Variants in DPYD observed in about 807,000 individuals in gnomAD.
DPYD encodes the protein dihydropyrimidine dehydrogenase [NADP(+)].
DPYD carries 109 observed loss-of-function variants against 116.2 expected under a neutral mutation model. The observed-to-expected ratio is 0.94, with a 90% confidence interval of 0.80 to 1.10. DPYD has a LOEUF of 1.10. Among genes scored for constraint, DPYD ranks in the 50% least tolerant of loss-of-function variants. The pLI, the probability that DPYD is intolerant of heterozygous loss-of-function variation, is 0.00. For synonymous variants in DPYD, 440 were observed against 432.0 expected, an observed-to-expected ratio of 1.02 and a Z score of -0.23; for missense variants, 1,302 against 1,254.5, an observed-to-expected ratio of 1.04 and a Z score of -0.57.
intron 2 of DPYD, among the ~76,000 whole-genome samples, chr1:97,875,924 T>C (rs1025907921): frequency 2.0e-5 from 3 of 152,050 alleles, no homozygotes; most frequent in African/African-American, 7.2e-5. Flanking sequence ...GTTTTTAAAA[T>C]GTATGTATGC....
intron 20 of DPYD, among the ~76,000 whole-genome samples, chr1:97,169,973 A>C (rs1656604344): frequency 1.3e-5 from 2 of 152,322 alleles, no homozygotes. Context: ...TAAGGAATAG[A>C]TAAATATTTA....
intron 16 of DPYD, among the ~76,000 whole-genome samples, chr1:97,323,291 T>C (rs906194304): frequency 6.8e-6 from 1 of 147,938 alleles, no homozygotes; most frequent in Admixed American, 6.8e-5. Context: ...TATATATACA[T>C]ATGTGTATAT....
chr1:97,807,501 T>A (rs1668129888), intron 3 of DPYD, among the ~76,000 whole-genome samples: 1 of 152,246 alleles, frequency 6.6e-6, no homozygotes, highest in South Asian at 2.1e-4. Flanking sequence ...TTTCTTATTG[T>A]TGGATTTTAG....
intron 3 of DPYD, among the ~76,000 whole-genome samples, chr1:97,822,147 T>C (rs1315169391): frequency 1.3e-5 from 2 of 151,272 alleles, no homozygotes; most frequent in African/African-American, 2.4e-5. Context: ...CCAGATGTAA[T>C]AGCCACATTT....
At chr1:97,251,570 G>A (rs530095965) in intron 18 of DPYD, among the ~76,000 whole-genome samples, 1 of 152,090 alleles carries the variant, frequency 6.6e-6, no homozygotes, top group East Asian at 1.9e-4. Context: ...TCTTGTTAAT[G>A]TTCGTAATCT....
intron 14 of DPYD, among the ~76,000 whole-genome samples, chr1:97,400,996 T>G (rs979152615): frequency 6.6e-6 from 1 of 152,114 alleles, no homozygotes; most frequent in African/African-American, 2.4e-5. Context: ...GTGTTATGAA[T>G]TTTGGCTATT....
At chr1:97,838,547 T>G (rs1571444950) in intron 2 of DPYD, among the ~76,000 whole-genome samples, 1 of 152,140 alleles carries the variant, frequency 6.6e-6, no homozygotes. Flanking sequence ...TCATGTAACT[T>G]AAAAATAAAA....
chr1:97,405,797 G>A (rs576680395), intron 14 of DPYD, among the ~76,000 whole-genome samples: 8 of 152,234 alleles, frequency 5.3e-5, no homozygotes, highest in South Asian at 2.1e-4. Context: ...GATTACAGGC[G>A]TGAGCCACTG....
intron 3 of DPYD, among the ~76,000 whole-genome samples, chr1:97,795,431 A>G (rs1457702486): frequency 6.6e-6 from 1 of 152,062 alleles, no homozygotes; most frequent in East Asian, 1.9e-4. Flanking sequence ...AACATTTAGT[A>G]ACTGATACTA....
At chr1:97,658,179 TTA>T (rs1659048903) in intron 8 of DPYD, among the ~76,000 whole-genome samples, 1 of 152,190 alleles carries the variant, frequency 6.6e-6, no homozygotes, top group African/African-American at 2.4e-5. Flanking sequence ...TAAATTAGTT[TTA>T]TGTTTTAGTT....
chr1:97,174,756 TA>T (rs1220511928), intron 20 of DPYD, among the ~76,000 whole-genome samples: 1 of 152,134 alleles, frequency 6.6e-6, no homozygotes, highest in African/African-American at 2.4e-5. Flanking sequence ...TTGCATTTCT[TA>T]AAAAAATTAA....
intron 3 of DPYD, among the ~76,000 whole-genome samples, chr1:97,772,903 G>A (rs1345815236): frequency 2.6e-5 from 4 of 152,180 alleles, no homozygotes; most frequent in African/African-American, 7.2e-5. Flanking sequence ...GAAGAGGATG[G>A]ATGGTCTCTG....
At chr1:97,272,452 G>A (rs1015930922) in intron 18 of DPYD, among the ~76,000 whole-genome samples, 1 of 152,096 alleles carries the variant, frequency 6.6e-6, no homozygotes, top group Non-Finnish European at 1.5e-5. Context: ...AGGCACTAAT[G>A]AGATCATTAT....
At chr1:97,873,002 A>T (rs1324140501) in intron 2 of DPYD, among the ~76,000 whole-genome samples, 1 of 151,260 alleles carries the variant, frequency 6.6e-6, no homozygotes, top group African/African-American at 2.4e-5. Context: ...CTTTATTTTC[A>T]GTTTAAATTC....
chr1:97,839,502 G>C (rs1669939185), intron 2 of DPYD, among the ~76,000 whole-genome samples: 1 of 152,008 alleles, frequency 6.6e-6, no homozygotes. Flanking sequence ...AATTCTTTGT[G>C]TGTGTGTGTG....
chr1:97,161,165 C>T (rs1042649666), intron 20 of DPYD, among the ~76,000 whole-genome samples: 5 of 152,134 alleles, frequency 3.3e-5, no homozygotes, highest in African/African-American at 4.8e-5. Flanking sequence ...GGCCAAACAA[C>T]TTCTGGCTCA....
intron 16 of DPYD, among the ~76,000 whole-genome samples, chr1:97,364,453 G>A (rs551605308): frequency 6.6e-6 from 1 of 152,176 alleles, no homozygotes; most frequent in African/African-American, 2.4e-5. Flanking sequence ...AATAACATGA[G>A]GAAAGAGTCA....
intron 3 of DPYD, among the ~76,000 whole-genome samples, chr1:97,744,785 C>G (rs974087234): frequency 2.0e-5 from 3 of 151,982 alleles, no homozygotes; most frequent in Non-Finnish European, 4.4e-5. Flanking sequence ...AATTTAATAT[C>G]TTCCTCAGTG....
intron 20 of DPYD, among the ~76,000 whole-genome samples, chr1:97,119,854 G>A (rs1228737542): frequency 3.3e-5 from 5 of 152,176 alleles, no homozygotes; most frequent in Non-Finnish European, 4.4e-5. Context: ...GTAATCCTCT[G>A]ACTGAAGCTG....
Sources: allele counts gnomAD v4.1 joint callset (sites outside exome capture counted in the v4.1 genomes callset), GRCh38; gene constraint gnomAD v4.1.1; transcripts MANE v1.5; gene names NCBI Gene and HGNC (gene_info 2026-07-23, HGNC 2026-07-21).